Variants in CEMIP2 observed in about 807,000 individuals in gnomAD.
The protein encoded by CEMIP2 is cell migration inducing hyaluronidase 2.
CEMIP2 carries 79 observed loss-of-function variants against 146.9 expected under a neutral mutation model. The observed-to-expected ratio is 0.54, with a 90% confidence interval of 0.45 to 0.65. CEMIP2 has a LOEUF of 0.65. CEMIP2 is among the 30% of genes least tolerant of loss of function. The pLI is 0.00. For missense variants in CEMIP2, 1,596 were observed against 1,696.2 expected (o/e 0.94, Z 1.04); for synonymous variants, 601 against 606.3 (o/e 0.99, Z 0.13).
At chr9:71,706,778 A>G (rs1161302046) in intron 17 of CEMIP2, among the ~76,000 whole-genome samples, 1 of 152,184 alleles carries the variant, frequency 6.6e-6, no homozygotes, top group African/African-American at 2.4e-5. Flanking sequence ...CAAGAACTTT[A>G]GCCAAAACTG....
chr9:71,747,808 C>T (rs1264541930), intron 2 of CEMIP2, among the ~76,000 whole-genome samples: 1 of 152,186 alleles, frequency 6.6e-6, no homozygotes, highest in Non-Finnish European at 1.5e-5. Context: ...TTTATGCTTT[C>T]TCTTATTAAC....
chr9:71,697,453 G>A (rs911705497), intron 20 of CEMIP2, among the ~76,000 whole-genome samples: 2 of 151,796 alleles, frequency 1.3e-5, no homozygotes, highest in Admixed American at 6.6e-5. Flanking sequence ...AAAGTCAGTC[G>A]GTACTTTTTT....
intron 17 of CEMIP2, among the ~76,000 whole-genome samples, chr9:71,707,104 A>G (rs548621617): frequency 5.6e-4 from 85 of 152,352 alleles, no homozygotes; most frequent in African/African-American, 2.0e-3. Flanking sequence ...CTGGGATTAC[A>G]GGCGTGAGCC....
chr9:71,709,246 T>G lies in CEMIP2; in HGVS notation c.2985+13A>C, dbSNP rs1277738419. 2 of 1,613,604 alleles carry G rather than the reference T, an allele frequency of 1.2e-6. No individual in the cohort carries two copies. Among genetic ancestry groups the G allele is most frequent in the South Asian group, 2.2e-5 (2 of 91,068 alleles). On this transcript the variant is annotated intron_variant, in intron 17 of 23. Coordinates refer to ENST00000377044, the MANE Select transcript of CEMIP2 (RefSeq NM_013390.3). ...TGGTAGGAACTTGAGCATTATACAT[T>G]TGCTAAGCCTACCTGTGCATAGGTC...
In CEMIP2 at chr9:71,700,793, G is replaced by A; in HGVS notation, c.3226C>T (p.Pro1076Ser). ...NDWIRVGLCY[P>S]SNTSFQVTFG... ...GTAACTTGAAAACTTGTGTTTGATG[G>A]ATAGCAAAGGCCAACTCGAATCCAG... is the stretch of plus-strand genomic sequence containing the variant. The change falls in exon 19 of 24, where the codon CCA becomes TCA. Residue 1076 changes from proline (P) to serine (S), a missense_variant. Coordinates refer to ENST00000377044, the MANE Select transcript of CEMIP2 (RefSeq NM_013390.3). 6.2e-7 allele frequency: 1 copy of A among 1,610,790 alleles called. No homozygotes were observed. Among genetic ancestry groups the A allele is most frequent in the Non-Finnish European group, 8.5e-7 (1 of 1,179,286 alleles).
chr9:71,721,214 T>C (rs1182483678), intron 12 of CEMIP2, among the ~76,000 whole-genome samples: 3 of 152,190 alleles, frequency 2.0e-5, no homozygotes, highest in African/African-American at 7.2e-5. Context: ...ATATTAGTTC[T>C]ACCAATTATA....
At chr9:71,750,722 C>T (rs1564025210) in intron 1 of CEMIP2, among the ~76,000 whole-genome samples, 1 of 151,836 alleles carries the variant, frequency 6.6e-6, no homozygotes. Context: ...GCTGGGATTA[C>T]AGGTGTGAGC....
chr9:71,690,027 A>T, intron 22 of CEMIP2, 65 bp downstream of exon 22: 1 of 1,570,960 alleles, frequency 6.4e-7, no homozygotes. Flanking sequence ...ACCAGGCATT[A>T]TCAGTTTGGA....
chr9:71,725,955 A>G (rs1823371666), intron 10 of CEMIP2, among the ~76,000 whole-genome samples: 1 of 152,238 alleles, frequency 6.6e-6, no homozygotes, highest in Admixed American at 6.5e-5. Context: ...ATTGGCTGGT[A>G]TAAAAATTCA....
At chr9:71,726,427 T>C (rs921628277) in intron 10 of CEMIP2, among the ~76,000 whole-genome samples, 5 of 148,364 alleles carry the variant, frequency 3.4e-5, no homozygotes, top group Admixed American at 1.3e-4. Flanking sequence ...AACTTCACTT[T>C]ATGGAACTTC....
rs1457149805 is a variant in CEMIP2, at chr9:71,760,188, C to T, written c.-13+8169G>A. On this transcript the variant is annotated intron_variant, in intron 1 of 23. Transcript: ENST00000377044. ...AAATCTCTGGAAAAACAAAAATTAA[C>T]TATAAATACTAAGAGTTTGCTTAAC... Among the ~76,000 whole-genome samples the T allele has an allele frequency of 2.0e-5, 3 of 152,204 alleles. No individual in the cohort carries two copies. The East Asian group carries it at 5.8e-4, about 29-fold the overall frequency.
intron 1 of CEMIP2, 46 bp from the exon 2 acceptor site, chr9:71,750,431 T>C: frequency 3.9e-6 from 5 of 1,266,950 alleles, no homozygotes; most frequent in Non-Finnish European, 3.2e-6. Context: ...GTAAATTCTT[T>C]TTTAATTTCT....
At chr9:71,699,634 A>T (rs1157419696) in intron 19 of CEMIP2, among the ~76,000 whole-genome samples, 1 of 152,140 alleles carries the variant, frequency 6.6e-6, no homozygotes, top group Non-Finnish European at 1.5e-5. Flanking sequence ...TCATTCCCCA[A>T]GTCAATCTCG....
At chr9:71,720,538 C>T (rs1412481834) in intron 12 of CEMIP2, among the ~76,000 whole-genome samples, 2 of 152,264 alleles carry the variant, frequency 1.3e-5, no homozygotes, top group South Asian at 2.1e-4. Context: ...GTGATCCACC[C>T]GCCTTGGCTT....
chr9:71,694,075 G>A (rs1193546537), intron 21 of CEMIP2, among the ~76,000 whole-genome samples: 2 of 151,830 alleles, frequency 1.3e-5, no homozygotes, highest in South Asian at 2.1e-4. Flanking sequence ...CCAGAACTGT[G>A]AGAAATAAAT....
intron 19 of CEMIP2, chr9:71,699,480 AAAAG>A (rs1357929208): frequency 7.1e-6 from 3 of 421,220 alleles, no homozygotes; most frequent in African/African-American, 2.1e-5. Context: ...GAAAGAAAGA[AAAAG>A]AAAGAAAAAT....
chr9:71,715,311 A>G (rs1823018132), intron 14 of CEMIP2, among the ~76,000 whole-genome samples: 2 of 142,538 alleles, frequency 1.4e-5, no homozygotes, highest in South Asian at 4.4e-4. Flanking sequence ...TGGCAAGAAC[A>G]TGGTTCACTG....
intron 16 of CEMIP2, among the ~76,000 whole-genome samples, chr9:71,710,597 T>C (rs998207042): frequency 2.0e-5 from 3 of 152,286 alleles, no homozygotes; most frequent in Admixed American, 2.0e-4. Context: ...ACAATATGGA[T>C]TGTATTATGC....
chr9:71,705,350 C>G (rs1448173681), intron 17 of CEMIP2, among the ~76,000 whole-genome samples: 1 of 151,406 alleles, frequency 6.6e-6, no homozygotes, highest in Non-Finnish European at 1.5e-5. Flanking sequence ...TAAACTGAGA[C>G]AAATTTGAAA....
Sources: allele counts gnomAD v4.1 joint callset (sites outside exome capture counted in the v4.1 genomes callset), GRCh38; gene constraint gnomAD v4.1.1; transcripts MANE v1.5; gene names NCBI Gene and HGNC (gene_info 2026-07-23, HGNC 2026-07-21).